PLA2G4F: variants seen among roughly 807,000 people sequenced by gnomAD.
The protein encoded by PLA2G4F is phospholipase A2 group IVF.
PLA2G4F carries 105 observed loss-of-function variants against 103.1 expected under a neutral mutation model. That is an observed-to-expected ratio of 1.02 (90% CI 0.87 to 1.20). The LOEUF is 1.20. Among genes scored for constraint, PLA2G4F ranks in the 50% most tolerant of loss-of-function variants. The pLI is 0.00. For missense variants in PLA2G4F, 1,155 were observed against 1,075.9 expected (o/e 1.07, Z -1.03); for synonymous variants, 468 against 441.1 (o/e 1.06, Z -0.76).
At chr15:42,151,353 G>A (rs936528259) in intron 7 of PLA2G4F, 26 of 985,352 alleles carry the variant, frequency 2.6e-5, no homozygotes, top group Non-Finnish European at 3.1e-5. Flanking sequence ...ACTGGAAGAT[G>A]AGGCCCAGGC....
chr15:42,144,426 T>A, intron 17 of PLA2G4F, 24 bp downstream of exon 17: 1 of 1,609,906 alleles, frequency 6.2e-7, no homozygotes, highest in Non-Finnish European at 8.5e-7. Flanking sequence ...AAGCCCCCCA[T>A]CTCCCACCCA....
Position 42,156,618 on chromosome 15 carries a change from A to G in PLA2G4F, c.-69T>C. On this transcript the variant is annotated 5_prime_UTR_variant, in exon 1 of 20. Coordinates refer to ENST00000397272, the MANE Select transcript of PLA2G4F (RefSeq NM_213600.4). ...CTCTGGTTGCACAAACTGCTGGCTC[A>G]GGTGTGACAGGCAGCACTGAGTTGG... 1 of 1,113,020 alleles carries G rather than the reference A, an allele frequency of 9.0e-7. No homozygotes were observed. Among genetic ancestry groups the G allele is most frequent in the African/African-American group, 1.6e-5 (1 of 62,804 alleles). The allele number at this position is 1,113,020 out of a possible 1,614,324, so 68.9% of individuals were successfully genotyped here. A position where few individuals can be genotyped will look rare whatever the true frequency, so the allele number is the denominator to read the frequency against.
In PLA2G4F at chr15:42,148,668, G is replaced by A. The variant is rs116549615; in HGVS notation, c.1060-906C>T. On this transcript the variant is annotated intron_variant, in intron 11 of 19. Transcript: ENST00000397272. ...AAAGGCCAGCAAGCAGCCTAGACCT[G>A]CCCCCAGGCACCAAAGGTGCCCAGA... 1.8e-4 allele frequency: 181 copies of A among 985,414 alleles called. No homozygotes were observed. In the African/African-American group the frequency reaches 2.9e-3, roughly 16 times the overall value. 61.0% of individuals were successfully genotyped at this position (985,414 alleles called of 1,614,324 possible).
At chr15:42,152,918 G>T (rs2048974891) in intron 6 of PLA2G4F, among the ~76,000 whole-genome samples, 164 bp from the exon 7 acceptor site, 1 of 152,198 alleles carries the variant, frequency 6.6e-6, no homozygotes, top group African/African-American at 2.4e-5. Context: ...AGCCCTCCCA[G>T]GACCTGGGCC....
intron 6 of PLA2G4F, 114 bp from the exon 7 acceptor site, chr15:42,152,868 TGGAG>T: frequency 9.9e-7 from 1 of 1,015,164 alleles, no homozygotes; most frequent in Non-Finnish European, 1.4e-6. Context: ...CCATCCAGGA[TGGAG>T]GGAGGGAGGA....
In PLA2G4F at chr15:42,145,446, C is replaced by T; in HGVS notation, c.1780+129G>A. ...AGACACCCTAAGCTAGAAGTCATTT[C>T]CTCAGGACTTCCCCGAATCCAGTGG... On this transcript the variant is annotated intron_variant, in intron 16 of 19. Transcript: ENST00000397272. 3 of 924,344 alleles carry T rather than the reference C, an allele frequency of 3.2e-6. No homozygotes were observed. In the South Asian group the frequency reaches 4.5e-5, roughly 14 times the overall value. 57.3% of individuals were successfully genotyped at this position (924,344 alleles called of 1,614,324 possible).
chr15:42,147,010 A>C (rs1287807117), intron 13 of PLA2G4F, 114 bp downstream of exon 13: 2 of 1,061,790 alleles, frequency 1.9e-6, no homozygotes, highest in Non-Finnish European at 2.7e-6. Flanking sequence ...GGGAGCCGAG[A>C]GCTCAGGAAC....
At chr15:42,153,450 G>A (rs1024596157) in intron 5 of PLA2G4F, 108 bp from the exon 6 acceptor site, 1 of 1,508,062 alleles carries the variant, frequency 6.6e-7, no homozygotes, top group Non-Finnish European at 9.2e-7. Context: ...ACACAGCAGG[G>A]TTTGGAGTGG....
chr15:42,141,940 C>T lies in PLA2G4F; in HGVS notation c.*44G>A, dbSNP rs754719928. 1.5e-5 allele frequency: 24 copies of T among 1,550,188 alleles called. No individual in the cohort carries two copies. Among genetic ancestry groups the T allele is most frequent in the Non-Finnish European group, 2.0e-5 (23 of 1,128,526 alleles). ...TCCCTCTACAAGCCCTGACCATGAG[C>T]AGTGTGTCTCCTCTCTGTCACAGTC... On this transcript the variant is annotated 3_prime_UTR_variant, in exon 20 of 20. Coordinates refer to ENST00000397272, the MANE Select transcript of PLA2G4F (RefSeq NM_213600.4).
rs776766620 is a variant in PLA2G4F, at chr15:42,151,542, G to A, written c.602-765C>T. 8.7e-5 allele frequency: 86 copies of A among 985,206 alleles called. 1 individual carries two copies. The highest frequency in any genetic ancestry group is 9.6e-5 in the Non-Finnish European group (80 of 829,922). The allele number at this position is 985,206 out of a possible 1,614,324, so 61.0% of individuals were successfully genotyped here. A position where few individuals can be genotyped will look rare whatever the true frequency, so the allele number is the denominator to read the frequency against. ...CCTAACACAACATGGAAGCAACAGA[G>A]ACCCAAAGTATGCGAGGACAGCAGA... On this transcript the variant is annotated intron_variant, in intron 7 of 19. Transcript: ENST00000397272.
At chr15:42,153,254 C>T (rs367612077) in intron 6 of PLA2G4F, 46 bp downstream of exon 6, 44 of 1,578,788 alleles carry the variant, frequency 2.8e-5, no homozygotes, top group Admixed American at 3.6e-5. Flanking sequence ...GGGTTCCTCA[C>T]TGCCCCCCAG....
chr15:42,152,650 G>A (rs1456971168), intron 7 of PLA2G4F, 38 bp downstream of exon 7: 1 of 1,550,050 alleles, frequency 6.5e-7, no homozygotes, highest in East Asian at 2.4e-5. Context: ...AACCCCGGGA[G>A]AGAAGGCAAA....
rs2048945480 is a variant in PLA2G4F, at chr15:42,150,465, C to T, written c.793G>A (p.Glu265Lys). 10 of 1,613,118 alleles carry T rather than the reference C, an allele frequency of 6.2e-6. No homozygotes were observed. The highest frequency in any genetic ancestry group is 7.6e-6 in the Non-Finnish European group (9 of 1,179,858). Residue 265 changes from glutamate (E) to lysine (K), a missense_variant, in exon 9 of 20, where the codon GAG (glutamate) becomes AAG (lysine). Glu to Lys is a moderately conservative substitution (Grantham distance 56). Transcript: ENST00000397272. ...AVQSGPSAELEAQTSKLGEGG... is the reference protein window; with the variant it reads ...AVQSGPSAELKAQTSKLGEGG... Reference sequence around the variant, plus strand: ...TCGCCCAGCTTGCTGGTCTGAGCCTCCAACTCTGCGCTGGGGCCACTCTGT... The same window carrying T: ...TCGCCCAGCTTGCTGGTCTGAGCCTTCAACTCTGCGCTGGGGCCACTCTGT...
chr15:42,147,267 C>T lies in PLA2G4F; in HGVS notation c.1276G>A (p.Val426Ile), dbSNP rs770823488. ...QGPIERAQVH[V>I]CSSKMGALST... The stretch of plus-strand genomic sequence containing the variant: ...AAAGCTCCCATCTTACTGCTGCAGA[C>T]GTGAACCTGGGCACGCTCAATGGGG... Residue 426 changes from valine to isoleucine, a missense_variant, in exon 13 of 20, where the codon GTC (valine) becomes ATC (isoleucine). Physicochemically the swap from Val to Ile is conservative, Grantham distance 29 (BLOSUM62 3). Transcript: ENST00000397272. 6.8e-6 allele frequency: 11 copies of T among 1,611,828 alleles called. No homozygotes were observed. The highest frequency in any genetic ancestry group is 4.4e-5 in the South Asian group (4 of 91,022).
intron 14 of PLA2G4F, 101 bp from the exon 15 acceptor site, chr15:42,146,004 G>A: frequency 6.3e-7 from 1 of 1,586,254 alleles, no homozygotes; most frequent in Non-Finnish European, 8.6e-7. Flanking sequence ...AGAAGCAGCA[G>A]CCCCGCTGTG....
intron 6 of PLA2G4F, 36 bp downstream of exon 6, chr15:42,153,264 G>A (rs1477140653): frequency 1.2e-6 from 2 of 1,607,022 alleles, no homozygotes; most frequent in Non-Finnish European, 1.7e-6. Flanking sequence ...CTGCCCCCCA[G>A]CCCAGAACAG....
intron 13 of PLA2G4F, 84 bp from the exon 14 acceptor site, chr15:42,146,325 G>T: frequency 7.8e-7 from 1 of 1,278,088 alleles, no homozygotes; most frequent in Non-Finnish European, 1.1e-6. Flanking sequence ...ACCCTGCAAG[G>T]CGTGGTGTGC....
In PLA2G4F at chr15:42,145,647, C is replaced by T; in HGVS notation, c.1708G>A (p.Glu570Lys). The T allele has an allele frequency of 1.2e-6, 2 of 1,614,172 alleles. No homozygotes were observed. The highest frequency in any genetic ancestry group is 1.7e-6 in the Non-Finnish European group (2 of 1,180,024). Residue 570 changes from glutamate (E) to lysine (K), a missense_variant, in exon 16 of 20, where the codon GAG becomes AAG. By Grantham distance (56) the Glu-to-Lys change is moderately conservative. Coordinates refer to ENST00000397272, the MANE Select transcript of PLA2G4F (RefSeq NM_213600.4). ...GAGCCGGCGGTCTTTAGGAAGATCT[C>T]ATCCAGGCTGGTGGCAAAGGCGCTG... is the stretch of plus-strand genomic sequence containing the variant. The part of the protein sequence containing the change: ...WGSAFATSLD[E>K]IFLKTAGSGL...
chr15:42,145,099 G>GGAC (rs1345605577), intron 16 of PLA2G4F, among the ~76,000 whole-genome samples: 6 of 152,216 alleles, frequency 3.9e-5, no homozygotes, highest in East Asian at 3.9e-4. Flanking sequence ...TCCGGGGTAA[G>GGAC]GACGACGACA....
Sources: allele counts gnomAD v4.1 joint callset (sites outside exome capture counted in the v4.1 genomes callset), GRCh38; gene constraint gnomAD v4.1.1; transcripts MANE v1.5; gene names NCBI Gene and HGNC (gene_info 2026-07-23, HGNC 2026-07-21).